SYN3: variants seen among roughly 807,000 people sequenced by gnomAD.
SYN3 encodes synapsin-3.
A neutral mutation model predicts 65.8 loss-of-function variants in SYN3; 35 were observed. That is an observed-to-expected ratio of 0.53 (90% CI 0.41 to 0.70). SYN3 has a LOEUF of 0.70. Among genes scored for constraint, SYN3 ranks in the 30% least tolerant of loss-of-function variants. The probability of loss-of-function intolerance (pLI) is 0.00; values close to 1 mark genes in which losing one functional copy is unlikely to be tolerated. For synonymous variants in SYN3, 270 were observed against 292.9 expected, an observed-to-expected ratio of 0.92 and a Z score of 0.80; for missense variants, 680 against 749.0, an observed-to-expected ratio of 0.91 and a Z score of 1.08.
At chr22:32,519,382 CT>C in intron 12 of SYN3, 1 of 151,892 alleles carries the variant, frequency 6.6e-6, no homozygotes, top group Non-Finnish European at 1.5e-5. Context: ...AGAATTAACT[CT>C]TACTTTTTGA....
chr22:32,552,067 G>A (rs147931712), intron 7 of SYN3, among the ~76,000 whole-genome samples: 1 of 152,314 alleles, frequency 6.6e-6, no homozygotes, highest in East Asian at 1.9e-4. Context: ...GGCCAACAGG[G>A]TGAAACCCTG....
At chr22:32,772,104 C>G (rs2045785470) in intron 6 of SYN3, among the ~76,000 whole-genome samples, 1 of 152,056 alleles carries the variant, frequency 6.6e-6, no homozygotes. Context: ...AAGAAAGGAT[C>G]CTACATTGGA....
intron 6 of SYN3, among the ~76,000 whole-genome samples, chr22:32,765,100 T>G (rs914708989): frequency 1.1e-4 from 17 of 151,078 alleles, no homozygotes; most frequent in Non-Finnish European, 2.9e-5. Context: ...ATGACAACTA[T>G]TTTTCCCTGG....
intron 6 of SYN3, among the ~76,000 whole-genome samples, chr22:32,733,077 C>G (rs544135850): frequency 6.6e-6 from 1 of 152,286 alleles, no homozygotes; most frequent in East Asian, 1.9e-4. Context: ...AAGTCTGCCC[C>G]TGGAGCACTT....
chr22:32,585,889 T>C (rs1305747946), intron 7 of SYN3, among the ~76,000 whole-genome samples: 1 of 150,136 alleles, frequency 6.7e-6, no homozygotes, highest in Non-Finnish European at 1.5e-5. Flanking sequence ...TATATACGTA[T>C]ATATACGTAT....
intron 6 of SYN3, among the ~76,000 whole-genome samples, chr22:32,781,716 T>C (rs1381414906): frequency 1.3e-5 from 2 of 151,356 alleles, no homozygotes; most frequent in East Asian, 1.9e-4. Flanking sequence ...TTGTTGTTGA[T>C]TGGCTGAGCT....
intron 3 of SYN3, among the ~76,000 whole-genome samples, chr22:32,940,054 G>T (rs137560): frequency 0.78 from 118,467 of 152,110 alleles, 46,430 homozygotes; most frequent in East Asian, 0.97. Flanking sequence ...CTTCAGGTGG[G>T]TTGTGTAGTA....
chr22:32,814,337 A>AAGAAAGAAAGAAAGAAAGAGAAAGAAAG (rs1569245441), intron 6 of SYN3, among the ~76,000 whole-genome samples: 4 of 25,878 alleles, frequency 1.5e-4, no homozygotes, highest in African/African-American at 6.2e-4. Context: ...GAAAGAAAGA[A>AAGAAAGAAAGAAAGAAAGAGAAAGAAAG]AGAGAAAGAA....
intron 6 of SYN3, among the ~76,000 whole-genome samples, chr22:32,797,645 T>C (rs539407352): frequency 6.6e-6 from 1 of 152,284 alleles, no homozygotes; most frequent in South Asian, 2.1e-4. Flanking sequence ...TCCTAGGACT[T>C]TGGCATCACA....
intron 8 of SYN3, among the ~76,000 whole-genome samples, chr22:32,538,630 C>T (rs928101521): frequency 1.3e-5 from 2 of 152,138 alleles, no homozygotes; most frequent in African/African-American, 4.8e-5. Flanking sequence ...CTCCACTGCC[C>T]ATGGCTCTTT....
At chr22:32,963,146 G>A (rs982157241) in intron 3 of SYN3, among the ~76,000 whole-genome samples, 7 of 149,700 alleles carry the variant, frequency 4.7e-5, no homozygotes, top group Admixed American at 1.3e-4. Flanking sequence ...ATGCAATCTC[G>A]GCTCACTGCA....
intron 1 of SYN3, among the ~76,000 whole-genome samples, chr22:33,048,903 C>A (rs932768502): frequency 6.6e-6 from 1 of 152,164 alleles, no homozygotes; most frequent in East Asian, 1.9e-4. Context: ...TCACCCCATG[C>A]CCTAGAGATT....
At chr22:33,052,501 G>C (rs2054185780) in intron 1 of SYN3, among the ~76,000 whole-genome samples, 1 of 151,966 alleles carries the variant, frequency 6.6e-6, no homozygotes, top group Non-Finnish European at 1.5e-5. Flanking sequence ...GGATGTGTAA[G>C]GAGAGTGTGG....
intron 6 of SYN3, among the ~76,000 whole-genome samples, chr22:32,782,753 A>G (rs984956244): frequency 8.6e-5 from 13 of 150,896 alleles, no homozygotes; most frequent in African/African-American, 3.2e-4. Context: ...TCCTGACCTC[A>G]TGATCCGCCC....
chr22:32,930,338 C>T (rs2050593544), intron 4 of SYN3, among the ~76,000 whole-genome samples: 1 of 152,168 alleles, frequency 6.6e-6, no homozygotes, highest in Non-Finnish European at 1.5e-5. Context: ...CTCTCGTTCT[C>T]TCTTGTCTGC....
intron 6 of SYN3, among the ~76,000 whole-genome samples, chr22:32,854,909 G>C (rs934382168): frequency 6.6e-6 from 1 of 152,182 alleles, no homozygotes; most frequent in Non-Finnish European, 1.5e-5. Context: ...GTTATGCTAT[G>C]AAGGTCTTGT....
At chr22:32,904,599 T>A (rs1195900866) in intron 4 of SYN3, among the ~76,000 whole-genome samples, 2 of 152,132 alleles carry the variant, frequency 1.3e-5, no homozygotes, top group African/African-American at 2.4e-5. Context: ...TTTAGAGGCA[T>A]TTTGCTTGTA....
intron 6 of SYN3, chr22:32,860,914 T>G (rs1445810143): frequency 1.5e-4 from 4 of 27,226 alleles, no homozygotes; most frequent in East Asian, 5.2e-4. Context: ...TTCTGTTGTG[T>G]TTTTTTTTTT....
chr22:32,832,566 A>G (rs1360839149), intron 6 of SYN3, among the ~76,000 whole-genome samples: 1 of 148,460 alleles, frequency 6.7e-6, no homozygotes, highest in Admixed American at 6.7e-5. Flanking sequence ...CAAAAAAATT[A>G]TTATACTTGG....
Sources: gnomAD v4.1 joint callset for allele counts (sites outside exome capture counted in the v4.1 genomes callset) on GRCh38, gnomAD v4.1.1 for gene constraint, MANE v1.5 for transcripts, NCBI Gene and HGNC (gene_info 2026-07-23, HGNC 2026-07-21) for gene names.